DRC11: variants seen among roughly 807,000 people sequenced by gnomAD.
The protein encoded by DRC11 is IQ and AAA domain-containing protein 1.
At chr2:236,389,970 G>A in the DRC11 span, among the ~76,000 whole-genome samples, 9 of 152,198 alleles carry the variant, frequency 5.9e-5, no homozygotes, top group South Asian at 1.5e-3. Context: ...GGTGCTGTTG[G>A]GTACAATAAC....
At chr2:236,357,184 T>G in the DRC11 span, among the ~76,000 whole-genome samples, 35 of 109,804 alleles carry the variant, frequency 3.2e-4, no homozygotes, top group Non-Finnish European at 1.0e-4. Context: ...ATTATATATA[T>G]TCATATATAT....
At chr2:236,359,531 C>A in the DRC11 span, among the ~76,000 whole-genome samples, 68 of 152,250 alleles carry the variant, frequency 4.5e-4, no homozygotes, top group Non-Finnish European at 8.8e-4. This position sits in a 1 kb window ranked among gnomAD's most constrained non-coding sequence, Gnocchi z 4.3. Flanking sequence ...AACAGGACTT[C>A]TCTCTAGGAA....
chr2:236,493,504 G>C, the DRC11 span, among the ~76,000 whole-genome samples: 5 of 152,308 alleles, frequency 3.3e-5, no homozygotes, highest in Admixed American at 6.5e-5. Flanking sequence ...AAACTGCGTT[G>C]ATAATCAACA....
chr2:236,314,941 C>G, the DRC11 span, among the ~76,000 whole-genome samples: 1 of 152,100 alleles, frequency 6.6e-6, no homozygotes, highest in Non-Finnish European at 1.5e-5. The surrounding 1 kb of genome is among the most constrained non-coding windows in gnomAD (Gnocchi z 4.5). Context: ...AATGCATAAG[C>G]TGATTATAAA....
chr2:236,313,013 T>G, the DRC11 span, among the ~76,000 whole-genome samples: 1 of 152,102 alleles, frequency 6.6e-6, no homozygotes, highest in African/African-American at 2.4e-5. This position sits in a 1 kb window ranked among gnomAD's most constrained non-coding sequence, Gnocchi z 4.5. Flanking sequence ...ATAGAAAATC[T>G]GAATAGTCTT....
the DRC11 span, among the ~76,000 whole-genome samples, chr2:236,503,265 C>T: frequency 1.3e-5 from 2 of 152,190 alleles, no homozygotes; most frequent in Admixed American, 1.3e-4. This position sits in a 1 kb window ranked among gnomAD's most constrained non-coding sequence, Gnocchi z 4.9. Flanking sequence ...TGAAGAGGCT[C>T]CTGCTTCCAC....
At chr2:236,343,691 AT>A in the DRC11 span, 1 of 1,301,748 alleles carries the variant, frequency 7.7e-7, no homozygotes, top group East Asian at 5.5e-5. This position sits in a 1 kb window ranked among gnomAD's most constrained non-coding sequence, Gnocchi z 6.6. Context: ...CCTGCCATCC[AT>A]TTTGCATACC....
chr2:236,493,896 G>C, the DRC11 span: 8 of 1,584,884 alleles, frequency 5.0e-6, no homozygotes, highest in African/African-American at 8.1e-5. Context: ...TGCTAGAGAA[G>C]AGAAAGAATA....
chr2:236,493,208 T>C, the DRC11 span, among the ~76,000 whole-genome samples: 2 of 152,174 alleles, frequency 1.3e-5, no homozygotes, highest in African/African-American at 4.8e-5. Context: ...ATTTATTCAC[T>C]ATCACAAGAA....
At chr2:236,505,358 C>T in the DRC11 span, among the ~76,000 whole-genome samples, 1 of 152,148 alleles carries the variant, frequency 6.6e-6, no homozygotes, top group East Asian at 1.9e-4. Context: ...CAAGATAAAA[C>T]CTTCTGAATC....
chr2:236,392,200 G>GA, the DRC11 span: 2 of 1,465,850 alleles, frequency 1.4e-6, no homozygotes, highest in African/African-American at 2.8e-5. This position sits in a 1 kb window ranked among gnomAD's most constrained non-coding sequence, Gnocchi z 5.1. Flanking sequence ...CACAATGGTT[G>GA]AAGTAAATGA....
At chr2:236,377,372 T>C in the DRC11 span, among the ~76,000 whole-genome samples, 3 of 152,236 alleles carry the variant, frequency 2.0e-5, no homozygotes, top group Admixed American at 6.5e-5. The surrounding 1 kb of genome is among the most constrained non-coding windows in gnomAD (Gnocchi z 4.9). Context: ...TTAAAAACAA[T>C]ACTTTCACTC....
At chr2:236,419,060 G>C in the DRC11 span, 1 of 1,445,254 alleles carries the variant, frequency 6.9e-7, no homozygotes, top group South Asian at 1.6e-5. This position sits in a 1 kb window ranked among gnomAD's most constrained non-coding sequence, Gnocchi z 4.8. Context: ...ACTCCCAACA[G>C]ATTTGTAAAT....
At chr2:236,485,426 A>G in the DRC11 span, among the ~76,000 whole-genome samples, 3 of 152,066 alleles carry the variant, frequency 2.0e-5, no homozygotes, top group Non-Finnish European at 2.9e-5. Flanking sequence ...CTGTTTCAAC[A>G]TTTTTACCTG....
chr2:236,378,635 AG>A, the DRC11 span, among the ~76,000 whole-genome samples: 1 of 151,194 alleles, frequency 6.6e-6, no homozygotes, highest in East Asian at 2.0e-4. Flanking sequence ...AGATGGCGCA[AG>A]TTCTCTCCAG....
chr2:236,433,665 A>G, the DRC11 span, among the ~76,000 whole-genome samples: 1 of 151,320 alleles, frequency 6.6e-6, no homozygotes. Flanking sequence ...TTTGCTCTTT[A>G]GTTTATTCTC....
chr2:236,487,667 ATC>A, the DRC11 span, among the ~76,000 whole-genome samples: 1 of 152,174 alleles, frequency 6.6e-6, no homozygotes, highest in Non-Finnish European at 1.5e-5. Flanking sequence ...GTAATTATAT[ATC>A]TGTGTGTGAA....
At chr2:236,454,142 G>A in the DRC11 span, among the ~76,000 whole-genome samples, 2 of 152,150 alleles carry the variant, frequency 1.3e-5, no homozygotes, top group African/African-American at 4.8e-5. This position sits in a 1 kb window ranked among gnomAD's most constrained non-coding sequence, Gnocchi z 5.3. Context: ...TGGACCCAAG[G>A]GTGCAACCTG....
the DRC11 span, chr2:236,488,075 T>G: frequency 2.5e-6 from 4 of 1,608,746 alleles, no homozygotes; most frequent in East Asian, 8.9e-5. Context: ...TTGCTCTATA[T>G]TCTTGCAGAT....
Sources: gnomAD v4.1 joint callset for allele counts (sites outside exome capture counted in the v4.1 genomes callset) on GRCh38, gnomAD v4.1.1 for gene constraint, Gnocchi (gnomAD v3.1) non-coding constraint, MANE v1.5 for transcripts, NCBI Gene and HGNC (gene_info 2026-07-23, HGNC 2026-07-21) for gene names.